Variants in SLC17A1 observed in about 807,000 individuals in gnomAD.
The protein encoded by SLC17A1 is solute carrier family 17 member 1.
Under a neutral mutation model 53.5 loss-of-function variants are expected in SLC17A1, and 51 were observed. The ratio of observed to expected loss-of-function variants is 0.95; its 90% CI spans 0.76 to 1.20. The LOEUF is 1.20. Among genes scored for constraint, SLC17A1 ranks in the 50% most tolerant of loss-of-function variants. The probability of loss-of-function intolerance (pLI) is 0.00; values close to 1 mark genes in which losing one functional copy is unlikely to be tolerated. For synonymous variants in SLC17A1, 179 were observed against 198.8 expected (o/e 0.90, Z 0.84); for missense variants, 538 against 568.2 (o/e 0.95, Z 0.54).
At chr6:25,812,745 A>C in intron 8 of SLC17A1, 86 bp downstream of exon 8, 1 of 958,812 alleles carries the variant, frequency 1.0e-6, no homozygotes, top group Non-Finnish European at 1.6e-6. Context: ...GGAGCTGGCA[A>C]GAGCTGCGAC....
the SLC17A1 span, chr6:25,776,632 G>A: frequency 3.1e-6 from 5 of 1,613,112 alleles, no homozygotes; most frequent in East Asian, 2.2e-5. Flanking sequence ...GTTGTTGGAT[G>A]TATCTGCATT....
At chr6:25,812,799 A>G in intron 8 of SLC17A1, 32 bp downstream of exon 8, 1 of 1,527,864 alleles carries the variant, frequency 6.5e-7, no homozygotes, top group Non-Finnish European at 9.0e-7. Flanking sequence ...GTCTTTCGTG[A>G]AGTTAAAAAA....
intron 2 of SLC17A1, among the ~76,000 whole-genome samples, chr6:25,827,366 C>A (rs1250541642): frequency 6.6e-6 from 1 of 151,982 alleles, no homozygotes; most frequent in African/African-American, 2.4e-5. Context: ...TATGTTAATA[C>A]AATGCATATT....
At chr6:25,817,129 G>A (rs933614771) in intron 6 of SLC17A1, among the ~76,000 whole-genome samples, 22 of 152,134 alleles carry the variant, frequency 1.4e-4, no homozygotes, top group Admixed American at 1.1e-3. Context: ...GATTACAGGC[G>A]TGAGCCACTG....
At chr6:25,799,326 G>A (rs905884256) in intron 11 of SLC17A1, among the ~76,000 whole-genome samples, 3 of 151,400 alleles carry the variant, frequency 2.0e-5, no homozygotes, top group Admixed American at 1.3e-4. Flanking sequence ...TTCATCTATT[G>A]TAACTATTAT....
the SLC17A1 span, chr6:25,776,537 C>T: frequency 3.2e-6 from 5 of 1,538,638 alleles, no homozygotes; most frequent in Admixed American, 1.0e-4. Flanking sequence ...CCAAGGTTGT[C>T]TGTGTCGTGG....
chr6:25,813,341 A>T, intron 6 of SLC17A1, 128 bp from the exon 7 acceptor site: 1 of 747,434 alleles, frequency 1.3e-6, no homozygotes, highest in Non-Finnish European at 2.3e-6. Context: ...ACTTTTCAAC[A>T]AGACTTGTGT....
the SLC17A1 span, among the ~76,000 whole-genome samples, chr6:25,741,384 A>T: frequency 2.0e-5 from 3 of 148,852 alleles, no homozygotes; most frequent in Non-Finnish European, 4.4e-5. Flanking sequence ...AGCCTGGCCA[A>T]CATGGCAAAA....
At chr6:25,733,826 G>C in the SLC17A1 span, among the ~76,000 whole-genome samples, 1 of 151,448 alleles carries the variant, frequency 6.6e-6, no homozygotes, top group African/African-American at 2.4e-5. Flanking sequence ...GTGTGTGTGT[G>C]TGTGTGTGTG....
chr6:25,732,668 A>AT, the SLC17A1 span: 2 of 1,348,418 alleles, frequency 1.5e-6, no homozygotes, highest in Non-Finnish European at 2.1e-6. Context: ...GACCCGCATC[A>AT]TCCCGCGCCA....
In SLC17A1 at chr6:25,804,736, T is replaced by C. The variant is rs117014155; in HGVS notation, c.1179-3756A>G. 3.2e-4 allele frequency among the ~76,000 whole-genome samples: 49 copies of C among 152,212 alleles called. No homozygotes were observed. The East Asian group carries it at 8.7e-3, about 27-fold the overall frequency. The stretch of plus-strand genomic sequence containing the variant: ...ACCAAAAGTGAGCAGGAGTAGCTAT[T>C]CTTATATCATAAAACAGAGTTGAAA... On this transcript the variant is annotated intron_variant, in intron 10 of 12. Transcript: ENST00000244527.
At chr6:25,735,323 C>CACAT in the SLC17A1 span, among the ~76,000 whole-genome samples, 2 of 152,130 alleles carry the variant, frequency 1.3e-5, no homozygotes, top group African/African-American at 4.8e-5. Flanking sequence ...TGAGCAAGGA[C>CACAT]ACATAATACT....
chr6:25,809,907 T>C (rs1290895481), intron 10 of SLC17A1, among the ~76,000 whole-genome samples: 1 of 151,980 alleles, frequency 6.6e-6, no homozygotes, highest in Non-Finnish European at 1.5e-5. Context: ...GATACTAGAA[T>C]GAAAATAGAT....
the SLC17A1 span, among the ~76,000 whole-genome samples, chr6:25,741,525 G>T: frequency 2.0e-5 from 3 of 151,968 alleles, no homozygotes; most frequent in Non-Finnish European, 4.4e-5. Flanking sequence ...GACCAGCTTG[G>T]CCAACATGGT....
chr6:25,751,709 G>C, the SLC17A1 span, among the ~76,000 whole-genome samples: 2 of 152,114 alleles, frequency 1.3e-5, no homozygotes, highest in Non-Finnish European at 1.5e-5. Context: ...TGGGTCATTT[G>C]TTATCCCAGT....
At chr6:25,726,878 C>G in the SLC17A1 span, 1 of 1,581,724 alleles carries the variant, frequency 6.3e-7, no homozygotes, top group Admixed American at 1.8e-5. Flanking sequence ...TGGAAAAGAA[C>G]CGTGTAACGC....
chr6:25,811,255 G>T, intron 10 of SLC17A1, 143 bp downstream of exon 10: 1 of 818,240 alleles, frequency 1.2e-6, no homozygotes, highest in Non-Finnish European at 1.9e-6. Flanking sequence ...AATGCTAAGT[G>T]TGTGAGGTAA....
At chr6:25,758,362 C>T in the SLC17A1 span, among the ~76,000 whole-genome samples, 1 of 152,160 alleles carries the variant, frequency 6.6e-6, no homozygotes, top group South Asian at 2.1e-4. Flanking sequence ...CTACCTGTGT[C>T]CCTGAAATTT....
the SLC17A1 span, chr6:25,770,072 T>G: frequency 1.9e-6 from 3 of 1,613,816 alleles, no homozygotes; most frequent in Non-Finnish European, 1.7e-6. Context: ...TCTAGGCCCC[T>G]GCATATGACT....
Sources: allele counts gnomAD v4.1 joint callset (sites outside exome capture counted in the v4.1 genomes callset), GRCh38; gene constraint gnomAD v4.1.1; transcripts MANE v1.5; gene names NCBI Gene and HGNC (gene_info 2026-07-23, HGNC 2026-07-21).